The following UBXN10 variants were observed in gnomAD, a reference collection of about 807,000 sequenced individuals.
UBXN10 encodes the protein UBX domain-containing protein 10.
A neutral mutation model predicts 6.9 loss-of-function variants in UBXN10; 6 were observed. The observed-to-expected ratio is 0.87, with a 90% CI of 0.48 to 1.72. The LOEUF is 1.72. Among genes scored for constraint, UBXN10 ranks in the 40% most tolerant of loss-of-function variants. UBXN10 has a pLI of 0.01. For synonymous variants in UBXN10, 131 were observed against 135.2 expected, an observed-to-expected ratio of 0.97 and a Z score of 0.21; for missense variants, 317 against 348.4, an observed-to-expected ratio of 0.91 and a Z score of 0.72.
At position 20,194,852 on chromosome 1, in the gene UBXN10, G is replaced by A. The variant is rs948758937; in HGVS notation, c.*3448G>A. ...ATTTTGCTTTAGCATTAGTTTAGAA[G>A]TCATTCCAAGAATTAAGCAGGAACA... On this transcript the variant is annotated 3_prime_UTR_variant, in exon 2 of 2. Transcript: ENST00000375099. The A allele has an allele frequency of 6.0e-6, 1 of 167,120 alleles. No homozygotes were observed. The highest frequency in any genetic ancestry group is 6.5e-5 in the Admixed American group (1 of 15,288). The allele number at this position is 167,120 out of a possible 1,614,324, so 10.4% of individuals were successfully genotyped here.
intron 1 of UBXN10, among the ~76,000 whole-genome samples, chr1:20,186,899 T>A (rs540039939): frequency 5.5e-4 from 76 of 138,632 alleles, no homozygotes; most frequent in Non-Finnish European, 9.8e-4. Context: ...GGGGTGTGGG[T>A]TGGGGGGGGC....
rs1438398315 is a variant in UBXN10, at chr1:20,195,289, A to G, written c.*3885A>G. Reference sequence around the variant, plus strand: ...CTTAAATCCTATCCCAAGAGACTGAACGACTGTGGTGACAAATGCCCACGG... The same window carrying G: ...CTTAAATCCTATCCCAAGAGACTGAGCGACTGTGGTGACAAATGCCCACGG... On this transcript the variant is annotated 3_prime_UTR_variant, in exon 2 of 2. Coordinates refer to ENST00000375099, the MANE Select transcript of UBXN10 (RefSeq NM_152376.5). The G allele has an allele frequency of 1.8e-5, 3 of 167,120 alleles. No homozygotes were observed. The highest frequency in any genetic ancestry group is 4.4e-5 in the Non-Finnish European group (3 of 68,158). 10.4% of individuals were successfully genotyped at this position (167,120 alleles called of 1,614,324 possible).
rs11556959 is a variant in UBXN10 at position 20,191,355 on chromosome 1, A to G, written c.794A>G (p.His265Arg). Residue 265 changes from histidine to arginine, a missense_variant, in exon 2 of 2, where the codon CAC becomes CGC. Physicochemically the swap from His to Arg is conservative, Grantham distance 29 (BLOSUM62 0). Transcript: ENST00000375099. This position sits in a 1 kb window ranked among gnomAD's most constrained non-coding sequence, Gnocchi z 4.5. ...TCTCTGCAAGAGTGCAGAATCCCCC[A>G]CAAGTCTGTGCTGGGCATCTCACTG... is the stretch of plus-strand genomic sequence containing the variant. ...TKSLQECRIP[H>R]KSVLGISLED... The G allele has an allele frequency of 6.2e-6, 10 of 1,613,996 alleles. No individual in the cohort carries two copies. In the Admixed American group the frequency reaches 1.7e-4, roughly 27 times the overall value.
upstream of UBXN10, chr1:20,186,001 A>ACCCGACCCCACCCGACCCCC (rs2018374082): frequency 1.4e-5 from 1 of 72,880 alleles, no homozygotes; most frequent in Admixed American, 1.5e-4. Context: ...AGCGGCCCCC[A>ACCCGACCCCACCCGACCCCC]CCCGACCCCA....
chr1:20,189,156 CT>C (rs1304903207), intron 1 of UBXN10, among the ~76,000 whole-genome samples: 1 of 152,120 alleles, frequency 6.6e-6, no homozygotes, highest in Admixed American at 6.5e-5. Context: ...TGAACCCACA[CT>C]TTGTGACACC....
rs909343677 is a variant in UBXN10, at chr1:20,195,198, A to G, written c.*3794A>G. 2 of 167,148 alleles carry G rather than the reference A, an allele frequency of 1.2e-5. No individual in the cohort carries two copies. Among genetic ancestry groups the G allele is most frequent in the African/African-American group, 4.8e-5 (2 of 41,470 alleles). The allele number at this position is 167,148 out of a possible 1,614,324, so 10.4% of individuals were successfully genotyped here. A position where few individuals can be genotyped will look rare whatever the true frequency, so the allele number is the denominator to read the frequency against. The stretch of plus-strand genomic sequence containing the variant: ...GTGTGCCTTTATGTTCAAACAGTTT[A>G]GGAAGCAGCAGCCCTCCTAACAGTC... On this transcript the variant is annotated 3_prime_UTR_variant, in exon 2 of 2. Transcript: ENST00000375099.
Position 20,194,767 on chromosome 1 carries a change from T to C in UBXN10, c.*3363T>C, listed in dbSNP as rs187506728. 3.6e-5 allele frequency: 6 copies of C among 167,260 alleles called. No homozygotes were observed. Among genetic ancestry groups the C allele is most frequent in the Non-Finnish European group, 7.3e-5 (5 of 68,124 alleles). 10.4% of individuals were successfully genotyped at this position (167,260 alleles called of 1,614,324 possible). On this transcript the variant is annotated 3_prime_UTR_variant, in exon 2 of 2. Coordinates refer to ENST00000375099, the MANE Select transcript of UBXN10 (RefSeq NM_152376.5). ...AATAAGTTCGGATAAAAGAGACTTT[T>C]ACATGGTAAGAGGATCTACTTTTCT...
At chr1:20,190,323 T>A (rs2018468960) in intron 1 of UBXN10, among the ~76,000 whole-genome samples, 1 of 152,204 alleles carries the variant, frequency 6.6e-6, no homozygotes, top group Non-Finnish European at 1.5e-5. Context: ...ACCCCTGTCT[T>A]TCCTCACTAT....
intron 1 of UBXN10, 32 bp from the exon 2 acceptor site, chr1:20,190,515 C>A: frequency 1.3e-6 from 2 of 1,567,722 alleles, no homozygotes; most frequent in South Asian, 2.4e-5. Flanking sequence ...AAGTTTAACC[C>A]ACGGACTCCT....
In UBXN10 at chr1:20,187,193, A is replaced by G. The variant is rs1173128291; in HGVS notation, c.-16+1040A>G. Among the ~76,000 whole-genome samples the G allele has an allele frequency of 1.3e-5, 2 of 152,120 alleles. No individual in the cohort carries two copies. Among genetic ancestry groups the G allele is most frequent in the Non-Finnish European group, 2.9e-5 (2 of 68,008 alleles). On this transcript the variant is annotated intron_variant, in intron 1 of 1. Transcript: ENST00000375099. This position sits in a 1 kb window ranked among gnomAD's most constrained non-coding sequence, Gnocchi z 4.6. ...GGAATGGGCACCTGCCCTTCTGGCA[A>G]CTTCTTGGAAACAGTTGGCAGTGTT...
chr1:20,191,806 CA>C lies in UBXN10; in HGVS notation c.*403del. 5.0e-6 allele frequency: 1 copy of C among 199,772 alleles called. No homozygotes were observed. The highest frequency in any genetic ancestry group is 1.1e-5 in the Non-Finnish European group (1 of 87,474). The allele number at this position is 199,772 out of a possible 1,614,324, so 12.4% of individuals were successfully genotyped here. On this transcript the variant is annotated 3_prime_UTR_variant, in exon 2 of 2. Transcript: ENST00000375099. This position sits in a 1 kb window ranked among gnomAD's most constrained non-coding sequence, Gnocchi z 4.5. ...TGTCTGTATTTGATGCAGGATTAAA[CA>C]CTTCCCAGAGAGGATTCTAGTCTGG... is the stretch of plus-strand genomic sequence containing the variant.
In UBXN10 at chr1:20,190,694, C is replaced by T. The variant is rs758101357; in HGVS notation, c.133C>T (p.Arg45Trp). 8.1e-6 allele frequency: 13 copies of T among 1,612,814 alleles called. No individual in the cohort carries two copies. The highest frequency in any genetic ancestry group is 6.8e-5 in the East Asian group (3 of 43,952). ...GATAAGGCCCAAGTCCGCCAAGGGACGGACAAGACCGAGTCTGCAGAAATC... is the reference window on the plus strand; with the variant it reads ...GATAAGGCCCAAGTCCGCCAAGGGATGGACAAGACCGAGTCTGCAGAAATC... ...HMIRPKSAKG[R>W]TRPSLQKSQG... The change falls in exon 2 of 2, where the codon CGG becomes TGG. Residue 45 changes from arginine (R) to tryptophan (W), a missense_variant. Coordinates refer to ENST00000375099, the MANE Select transcript of UBXN10 (RefSeq NM_152376.5).
In UBXN10 at chr1:20,193,988, G is replaced by C. The variant is rs976253872; in HGVS notation, c.*2584G>C. 3 of 167,094 alleles carry C rather than the reference G, an allele frequency of 1.8e-5. No individual in the cohort carries two copies. The highest frequency in any genetic ancestry group is 7.2e-5 in the African/African-American group (3 of 41,444). The allele number at this position is 167,094 out of a possible 1,614,324, so 10.4% of individuals were successfully genotyped here. A position where few individuals can be genotyped will look rare whatever the true frequency, so the allele number is the denominator to read the frequency against. Reference sequence around the variant, plus strand: ...CCGATGGCCATTGAGGGCTTACCCAGTGCCACACTTTGAGACAAGCATGGG... The same window carrying C: ...CCGATGGCCATTGAGGGCTTACCCACTGCCACACTTTGAGACAAGCATGGG... On this transcript the variant is annotated 3_prime_UTR_variant, in exon 2 of 2. Coordinates refer to ENST00000375099, the MANE Select transcript of UBXN10 (RefSeq NM_152376.5).
chr1:20,190,685 G>T lies in UBXN10; in HGVS notation c.124G>T (p.Ala42Ser), dbSNP rs377504408. The part of the protein sequence containing the change: ...LNMHMIRPKS[A>S]KGRTRPSLQK... ...TATGCACATGATAAGGCCCAAGTCC[G>T]CCAAGGGACGGACAAGACCGAGTCT... The change falls in exon 2 of 2, where the codon GCC becomes TCC. Residue 42 changes from alanine to serine, a missense_variant. Ala to Ser is a moderately conservative substitution (Grantham distance 99). Transcript: ENST00000375099. 3 of 1,612,410 alleles carry T rather than the reference G, an allele frequency of 1.9e-6. No homozygotes were observed. The highest frequency in any genetic ancestry group is 2.3e-5 in the East Asian group (1 of 43,604).
At position 20,195,270 on chromosome 1, in the gene UBXN10, T is replaced by C. The variant is rs1230487724; in HGVS notation, c.*3866T>C. 2 of 167,094 alleles carry C rather than the reference T, an allele frequency of 1.2e-5. No individual in the cohort carries two copies. Among genetic ancestry groups the C allele is most frequent in the Non-Finnish European group, 2.9e-5 (2 of 68,160 alleles). The allele number at this position is 167,094 out of a possible 1,614,324, so 10.4% of individuals were successfully genotyped here. A position where few individuals can be genotyped will look rare whatever the true frequency, so the allele number is the denominator to read the frequency against. On this transcript the variant is annotated 3_prime_UTR_variant, in exon 2 of 2. Transcript: ENST00000375099. ...GGAGGTATTTTTGGACACACTTAAA[T>C]CCTATCCCAAGAGACTGAACGACTG...
Position 20,195,084 on chromosome 1 carries a change from AG to A in UBXN10, c.*3682del, listed in dbSNP as rs1485294133. 1.2e-5 allele frequency: 2 copies of A among 167,050 alleles called. No homozygotes were observed. The highest frequency in any genetic ancestry group is 4.8e-5 in the African/African-American group (2 of 41,438). 10.3% of individuals were successfully genotyped at this position (167,050 alleles called of 1,614,324 possible). A position where few individuals can be genotyped will look rare whatever the true frequency, so the allele number is the denominator to read the frequency against. On this transcript the variant is annotated 3_prime_UTR_variant, in exon 2 of 2. Coordinates refer to ENST00000375099, the MANE Select transcript of UBXN10 (RefSeq NM_152376.5). ...ACACAACACTCATAAAACTAAAATT[AG>A]GTGTTTTATTTTTTGTCTACACGGG...
upstream of UBXN10, chr1:20,184,423 A>T (rs1210145827): frequency 1.3e-5 from 2 of 152,244 alleles, no homozygotes; most frequent in African/African-American, 4.8e-5. Context: ...AGCTCCTAAA[A>T]CCACCATCTT....
intron 1 of UBXN10, among the ~76,000 whole-genome samples, chr1:20,189,422 G>A (rs2018453921): frequency 6.6e-6 from 1 of 152,172 alleles, no homozygotes; most frequent in African/African-American, 2.4e-5. Context: ...TGGCCACCAA[G>A]ATGGCAATGA....
chr1:20,189,166 C>T (rs113936643), intron 1 of UBXN10, among the ~76,000 whole-genome samples: 1 of 152,092 alleles, frequency 6.6e-6, no homozygotes, highest in Non-Finnish European at 1.5e-5. Context: ...CTTTGTGACA[C>T]CTGGTCCTCT....
Sources: allele counts gnomAD v4.1 joint callset (sites outside exome capture counted in the v4.1 genomes callset), GRCh38; gene constraint gnomAD v4.1.1; non-coding constraint Gnocchi (gnomAD v3.1); transcripts MANE v1.5; gene names NCBI Gene and HGNC (gene_info 2026-07-23, HGNC 2026-07-21).